Variants in ADAM22 observed in about 807,000 individuals in gnomAD.
ADAM22 encodes the protein ADAM metallopeptidase domain 22.
ADAM22 carries 65 observed loss-of-function variants against 144.6 expected under a neutral mutation model. The observed-to-expected ratio is 0.45, with a 90% CI of 0.37 to 0.55. The LOEUF is 0.55. ADAM22 is among the 20% of genes least tolerant of loss of function. ADAM22 has a pLI of 0.00. For missense variants in ADAM22, 974 were observed against 1,184.9 expected, an observed-to-expected ratio of 0.82 and a Z score of 2.61; for synonymous variants, 391 against 412.6, an observed-to-expected ratio of 0.95 and a Z score of 0.63.
At chr7:87,986,677 T>C (rs74549966) in intron 3 of ADAM22, among the ~76,000 whole-genome samples, 2,717 of 152,254 alleles carry the variant, frequency 0.018, 20 homozygotes, top group Non-Finnish European at 0.027. Flanking sequence ...ATGTTACTGG[T>C]TTATTTAAGC....
At chr7:88,133,825 A>G (rs1485074739) in intron 12 of ADAM22, among the ~76,000 whole-genome samples, 1 of 152,204 alleles carries the variant, frequency 6.6e-6, no homozygotes, top group Admixed American at 6.5e-5. Flanking sequence ...AGATATCCTC[A>G]GTTCTTCTTA....
chr7:88,193,566 TCACAA>T (rs2129541283), intron 31 of ADAM22, among the ~76,000 whole-genome samples: 1 of 152,318 alleles, frequency 6.6e-6, no homozygotes, highest in Admixed American at 6.5e-5. Flanking sequence ...TGCCACTGTC[TCACAA>T]CATTCCTGAA....
chr7:88,165,689 T>A (rs1842788853), intron 23 of ADAM22, 143 bp from the exon 24 acceptor site: 2 of 445,072 alleles, frequency 4.5e-6, no homozygotes, highest in Admixed American at 4.2e-5. Context: ...GGAGAAATAA[T>A]GTAATTAGTA....
At chr7:88,151,504 C>CA (rs1353636764) in intron 20 of ADAM22, among the ~76,000 whole-genome samples, 184 bp downstream of exon 20, 1 of 152,170 alleles carries the variant, frequency 6.6e-6, no homozygotes, top group Non-Finnish European at 1.5e-5. Context: ...GAAGCAGCCC[C>CA]ACACATCTTG....
At chr7:87,953,843 A>G (rs1278783053) in intron 2 of ADAM22, among the ~76,000 whole-genome samples, 1 of 152,186 alleles carries the variant, frequency 6.6e-6, no homozygotes, top group Admixed American at 6.5e-5. Flanking sequence ...GGGTGCATAT[A>G]TATTTAGGAT....
chr7:88,020,917 T>C (rs560581434), intron 3 of ADAM22, among the ~76,000 whole-genome samples: 50 of 152,180 alleles, frequency 3.3e-4, no homozygotes, highest in African/African-American at 1.1e-3. Context: ...GTACTGGAAC[T>C]TAAGGGGTGA....
chr7:88,129,914 A>G (rs1029314805), intron 9 of ADAM22, among the ~76,000 whole-genome samples: 11 of 152,114 alleles, frequency 7.2e-5, no homozygotes, highest in Non-Finnish European at 1.0e-4. Context: ...CCTGTATGCC[A>G]CCTCGTTGTG....
chr7:88,062,480 T>G (rs1810161969), intron 3 of ADAM22, among the ~76,000 whole-genome samples: 1 of 152,222 alleles, frequency 6.6e-6, no homozygotes, highest in South Asian at 2.1e-4. Flanking sequence ...TATTCTGGGT[T>G]AGGTTTTGGC....
intron 18 of ADAM22, 21 bp from the exon 19 acceptor site, chr7:88,150,960 T>C (rs552514819): frequency 6.2e-7 from 1 of 1,602,902 alleles, no homozygotes; most frequent in Admixed American, 1.7e-5. Flanking sequence ...ATTTCATTCA[T>C]AGTTGTTCTC....
At chr7:88,046,266 C>T (rs943834020) in intron 3 of ADAM22, among the ~76,000 whole-genome samples, 2 of 152,112 alleles carry the variant, frequency 1.3e-5, no homozygotes, top group African/African-American at 4.8e-5. Flanking sequence ...GCCATTCTTA[C>T]TTGTGTGAGG....
intron 2 of ADAM22, among the ~76,000 whole-genome samples, chr7:87,975,015 T>A (rs1472182891): frequency 6.6e-6 from 1 of 152,160 alleles, no homozygotes; most frequent in Non-Finnish European, 1.5e-5. Flanking sequence ...TCTCCCCAAG[T>A]CAAGGTCCTT....
chr7:88,113,720 A>ATAT (rs1826903037), intron 5 of ADAM22, among the ~76,000 whole-genome samples: 2 of 116,336 alleles, frequency 1.7e-5, no homozygotes, highest in African/African-American at 6.9e-5. Context: ...ATATATATAT[A>ATAT]TATATATATA....
intron 3 of ADAM22, among the ~76,000 whole-genome samples, chr7:87,993,349 A>G (rs561256601): frequency 3.4e-4 from 51 of 152,232 alleles, no homozygotes; most frequent in Non-Finnish European, 6.9e-4. Flanking sequence ...TAATCTTTAT[A>G]CATCTTATTA....
chr7:88,150,958 C>T (rs1381025355), intron 18 of ADAM22, 23 bp from the exon 19 acceptor site: 13 of 1,599,674 alleles, frequency 8.1e-6, no homozygotes, highest in Non-Finnish European at 1.0e-5. Context: ...GCATTTCATT[C>T]ATAGTTGTTC....
At chr7:88,033,825 C>T (rs1057462957) in intron 3 of ADAM22, among the ~76,000 whole-genome samples, 1 of 152,142 alleles carries the variant, frequency 6.6e-6, no homozygotes, top group African/African-American at 2.4e-5. Flanking sequence ...GTGTCCACCA[C>T]CCCACAGGCC....
In ADAM22 at chr7:88,155,916, C is replaced by A; in HGVS notation, c.1817C>A (p.Thr606Asn). ...GTGCTTTGTGGTTACCTTTTGTGTA[C>A]CAATATTGGCAATATCCCAAGGCTT... ...RDVLCGYLLCTNIGNIPRLGE... is the reference protein window; with the variant it reads ...RDVLCGYLLCNNIGNIPRLGE... Residue 606 changes from threonine to asparagine, a missense_variant, in exon 22 of 32, where the codon ACC (threonine) becomes AAC (asparagine). Thr to Asn is a moderately conservative substitution (Grantham distance 65, BLOSUM62 0). Around this residue, in one of 2 missense-constraint regions of ADAM22, gnomAD observed 734 missense variants for 950.6 expected, o/e 0.77. Transcript: ENST00000413139. The A allele has an allele frequency of 1.9e-6, 3 of 1,613,156 alleles. No homozygotes were observed. The highest frequency in any genetic ancestry group is 2.5e-6 in the Non-Finnish European group (3 of 1,179,468).
At chr7:88,133,019 G>T in intron 12 of ADAM22, 68 bp downstream of exon 12, 1 of 1,420,944 alleles carries the variant, frequency 7.0e-7, no homozygotes, top group Non-Finnish European at 9.9e-7. Flanking sequence ...ATACTTAAGA[G>T]ATAATTTCTC....
Position 87,966,735 on chromosome 7 carries a change from T to TTTG in ADAM22, c.247-11599_247-11598insGTT, listed in dbSNP as rs1369545549. 3.6e-3 allele frequency among the ~76,000 whole-genome samples: 486 copies of TTTG among 135,856 alleles called. 17 individuals are homozygous for TTTG. The highest frequency in any genetic ancestry group is 0.013 in the African/African-American group (464 of 34,710). The allele number at this position is 135,856 out of a possible 152,430, so 89.1% of individuals were successfully genotyped here. On this transcript the variant is annotated intron_variant, in intron 2 of 31. Transcript: ENST00000413139. The stretch of plus-strand genomic sequence containing the variant: ...CAAGGAAAGCCGTTTTTTTTTTTTT[T>TTTG]TTTTTTTTTTTTTTTTTGTGGCATG...
intron 5 of ADAM22, among the ~76,000 whole-genome samples, chr7:88,111,463 G>T (rs943223244): frequency 2.0e-5 from 3 of 151,988 alleles, no homozygotes; most frequent in African/African-American, 7.3e-5. Context: ...GAACCTGCAA[G>T]GTCACATTTG....
Sources: gnomAD v4.1 joint callset for allele counts (sites outside exome capture counted in the v4.1 genomes callset) on GRCh38, gnomAD v4.1.1 for gene constraint, gnomAD v4.1.1 regional missense constraint, MANE v1.5 for transcripts, NCBI Gene and HGNC (gene_info 2026-07-23, HGNC 2026-07-21) for gene names.